NAALADL2: variants seen among roughly 807,000 people sequenced by gnomAD.
NAALADL2 encodes the protein N-acetylated alpha-linked acidic dipeptidase like 2, also known as inactive N-acetylated-alpha-linked acidic dipeptidase-like protein 2.
A neutral mutation model predicts 87.2 loss-of-function variants in NAALADL2; 76 were observed. The observed-to-expected ratio is 0.87, with a 90% CI of 0.72 to 1.05. NAALADL2 has a LOEUF of 1.05. NAALADL2 is among the 50% of genes least tolerant of loss of function. The pLI, the probability that NAALADL2 is intolerant of heterozygous loss-of-function variation, is 0.00. For synonymous variants in NAALADL2, 354 were observed against 331.0 expected, an observed-to-expected ratio of 1.07 and a Z score of -0.75; for missense variants, 1,089 against 945.8, an observed-to-expected ratio of 1.15 and a Z score of -1.99.
intron 5 of NAALADL2, among the ~76,000 whole-genome samples, chr3:175,445,018 G>A (rs990083337): frequency 9.2e-5 from 14 of 152,140 alleles, no homozygotes; most frequent in East Asian, 1.9e-4. Context: ...CAAGCTCTGC[G>A]CCCTCTGAAG....
intron 5 of NAALADL2, among the ~76,000 whole-genome samples, chr3:175,358,777 C>T (rs73184788): frequency 0.039 from 5,955 of 152,154 alleles, 165 homozygotes; most frequent in Non-Finnish European, 0.059. Flanking sequence ...TTCTAAATAG[C>T]ATATCTTTAA....
chr3:174,565,482 A>G (rs980369657), intron 2 of NAALADL2, among the ~76,000 whole-genome samples: 2 of 151,960 alleles, frequency 1.3e-5, no homozygotes, highest in African/African-American at 2.4e-5. Flanking sequence ...AGTTTTCTCC[A>G]TGTCGTTTTA....
intron 2 of NAALADL2, among the ~76,000 whole-genome samples, chr3:174,712,718 G>A (rs949007712): frequency 1.3e-5 from 2 of 152,004 alleles, no homozygotes; most frequent in African/African-American, 2.4e-5. Context: ...AGTATTTCAT[G>A]TAAAAGAAGA....
chr3:175,216,671 T>TTTC (rs1560177952), intron 2 of NAALADL2, among the ~76,000 whole-genome samples: 1 of 142,908 alleles, frequency 7.0e-6, no homozygotes, highest in African/African-American at 2.6e-5. Flanking sequence ...TTCTTTTCTT[T>TTTC]TTTTTTTTTT....
At chr3:175,618,038 A>C (rs990767456) in intron 10 of NAALADL2, among the ~76,000 whole-genome samples, 2 of 152,288 alleles carry the variant, frequency 1.3e-5, no homozygotes, top group Non-Finnish European at 1.5e-5. Flanking sequence ...ATGAGATAAA[A>C]AACTCATCCC....
chr3:175,289,435 A>G (rs368049427), intron 4 of NAALADL2, among the ~76,000 whole-genome samples: 1 of 152,122 alleles, frequency 6.6e-6, no homozygotes, highest in Non-Finnish European at 1.5e-5. Context: ...AGGTGCCAAA[A>G]AGAGAGAACC....
intron 13 of NAALADL2, among the ~76,000 whole-genome samples, chr3:175,776,020 G>A (rs529258728): frequency 5.3e-5 from 8 of 152,066 alleles, no homozygotes; most frequent in East Asian, 1.9e-4. Context: ...GAGTAAAAGC[G>A]ATTTTTTCCA....
chr3:175,787,327 A>T (rs1395469166), intron 13 of NAALADL2, among the ~76,000 whole-genome samples: 1 of 152,018 alleles, frequency 6.6e-6, no homozygotes, highest in East Asian at 1.9e-4. Context: ...GCTGCCTTGC[A>T]GTTTGATCTC....
At chr3:175,063,812 A>G (rs2109097009) in intron 1 of NAALADL2, among the ~76,000 whole-genome samples, 1 of 152,188 alleles carries the variant, frequency 6.6e-6, no homozygotes, top group Admixed American at 6.5e-5. Flanking sequence ...TTTGTTCCTC[A>G]AGCTTTTTAG....
intron 5 of NAALADL2, among the ~76,000 whole-genome samples, chr3:175,397,006 C>T (rs889977687): frequency 6.6e-5 from 10 of 152,020 alleles, no homozygotes; most frequent in African/African-American, 1.7e-4. Flanking sequence ...CACTTGCTTA[C>T]TGAATTTGAG....
intron 2 of NAALADL2, among the ~76,000 whole-genome samples, chr3:174,569,700 A>G (rs1350874229): frequency 2.6e-5 from 4 of 152,152 alleles, no homozygotes; most frequent in Non-Finnish European, 5.9e-5. Context: ...GGTTTAAAAT[A>G]CAGTTTATTC....
intron 12 of NAALADL2, 136 bp from the exon 13 acceptor site, chr3:175,755,084 G>A: frequency 1.5e-6 from 1 of 656,656 alleles, no homozygotes; most frequent in Non-Finnish European, 2.5e-6. Flanking sequence ...AAAAGAGAGA[G>A]AGAACTGTCA....
At chr3:174,822,906 T>C (rs1198291253) in intron 3 of NAALADL2, among the ~76,000 whole-genome samples, 3 of 152,202 alleles carry the variant, frequency 2.0e-5, no homozygotes, top group Admixed American at 2.0e-4. Context: ...CTTAATATTT[T>C]TTATCTATTT....
chr3:175,348,317 C>T (rs1763374310), intron 5 of NAALADL2, among the ~76,000 whole-genome samples: 1 of 152,106 alleles, frequency 6.6e-6, no homozygotes, highest in South Asian at 2.1e-4. Flanking sequence ...TCCCAAAGTG[C>T]AAAAGGTTAG....
At chr3:174,860,611 T>C (rs1463413969) in intron 1 of NAALADL2, among the ~76,000 whole-genome samples, 1 of 152,120 alleles carries the variant, frequency 6.6e-6, no homozygotes, top group Non-Finnish European at 1.5e-5. Flanking sequence ...TGATAATGAT[T>C]TTACATTAAA....
intron 9 of NAALADL2, among the ~76,000 whole-genome samples, chr3:175,471,991 C>G (rs1347111887): frequency 1.3e-5 from 2 of 151,902 alleles, no homozygotes; most frequent in Non-Finnish European, 2.9e-5. Context: ...ACATGAGTCA[C>G]ACAGTTATAG....
intron 6 of NAALADL2, among the ~76,000 whole-genome samples, chr3:175,453,383 A>G (rs1431162709): frequency 6.6e-6 from 1 of 152,036 alleles, no homozygotes; most frequent in Non-Finnish European, 1.5e-5. Context: ...TCTCCTTATT[A>G]TTCTGTTCAG....
chr3:174,474,077 C>T (rs959394101), intron 1 of NAALADL2, among the ~76,000 whole-genome samples: 10 of 152,048 alleles, frequency 6.6e-5, no homozygotes, highest in Admixed American at 4.6e-4. Context: ...TCCCATGACA[C>T]GTGGGGATTA....
At chr3:174,643,105 A>G (rs1211484519) in intron 2 of NAALADL2, among the ~76,000 whole-genome samples, 1 of 152,080 alleles carries the variant, frequency 6.6e-6, no homozygotes, top group Non-Finnish European at 1.5e-5. Flanking sequence ...TTTAAGCAAG[A>G]AAAGTGTTGG....
Sources: allele counts gnomAD v4.1 joint callset (sites outside exome capture counted in the v4.1 genomes callset), GRCh38; gene constraint gnomAD v4.1.1; transcripts MANE v1.5; gene names NCBI Gene and HGNC (gene_info 2026-07-23, HGNC 2026-07-21).